Variants in EIF3A observed in about 807,000 individuals in gnomAD.
EIF3A encodes EIF3, p180 subunit.
Under a neutral mutation model 186.6 loss-of-function variants are expected in EIF3A, and 21 were observed. The observed-to-expected ratio is 0.11, with a 90% CI of 0.08 to 0.16. The LOEUF (loss-of-function observed/expected upper bound fraction) is 0.16, where lower values mean the gene tolerates loss of function less well. Among genes scored for constraint, EIF3A ranks in the 10% least tolerant of loss-of-function variants. The pLI is 1.00. For synonymous variants in EIF3A, 563 were observed against 584.3 expected (o/e 0.96, Z 0.52); for missense variants, 1,306 against 1,796.3 (o/e 0.73, Z 4.93).
rs771329719 is a variant in EIF3A at position 119,044,115 on chromosome 10, C to T, written c.2686G>A (p.Glu896Lys). Residue 896 changes from glutamate to lysine, a missense_variant, in exon 18 of 22, where the codon GAA (glutamate) becomes AAA (lysine). This residue lies in a region of EIF3A where 410 missense variants were observed against 473.5 expected (regional missense o/e 0.87). Transcript: ENST00000369144. The stretch of plus-strand genomic sequence containing the variant: ...TCAGGTCCTTTTCTCCAGGTGCCTT[C>T]TGAATCTCTATCTCCCCAACGAGAG... ...KDSRWGDRDSEGTWRKGPEAD... is the reference protein window; with the variant it reads ...KDSRWGDRDSKGTWRKGPEAD... The T allele has an allele frequency of 2.0e-5, 33 of 1,614,040 alleles. No homozygotes were observed. Among genetic ancestry groups the T allele is most frequent in the Non-Finnish European group, 2.5e-5 (30 of 1,179,880 alleles).
intron 10 of EIF3A, 82 bp from the exon 11 acceptor site, chr10:119,059,479 G>C (rs1843846760): frequency 7.7e-7 from 1 of 1,297,574 alleles, no homozygotes; most frequent in Admixed American, 2.2e-5. Flanking sequence ...ATATACAAAA[G>C]CTGGAAAAGT....
intron 17 of EIF3A, 33 bp downstream of exon 17, chr10:119,049,768 A>C (rs1174613220): frequency 6.3e-7 from 1 of 1,580,016 alleles, no homozygotes; most frequent in South Asian, 1.2e-5. Flanking sequence ...AGTCACATTA[A>C]AACAAAATAA....
intron 1 of EIF3A, among the ~76,000 whole-genome samples, chr10:119,074,241 C>T (rs952187815): frequency 6.6e-6 from 1 of 151,940 alleles, no homozygotes; most frequent in African/African-American, 2.4e-5. Flanking sequence ...CGAGGTGGGC[C>T]AATCACTTGA....
intron 21 of EIF3A, 82 bp from the exon 22 acceptor site, chr10:119,036,350 GATTGTTAAATACAGAAATC>G (rs1175705463): frequency 2.0e-5 from 17 of 843,880 alleles, no homozygotes; most frequent in African/African-American, 3.5e-5. Context: ...CTGTACTAAA[GATTGTTAAATACAGAAATC>G]ATTGTTAAAT....
chr10:119,044,001 G>T lies in EIF3A; in HGVS notation c.2747+53C>A. 3.1e-6 allele frequency: 4 copies of T among 1,310,870 alleles called. No individual in the cohort carries two copies. In the South Asian group the frequency reaches 4.8e-5, roughly 16 times the overall value. The allele number at this position is 1,310,870 out of a possible 1,614,324, so 81.2% of individuals were successfully genotyped here. A position where few individuals can be genotyped will look rare whatever the true frequency, so the allele number is the denominator to read the frequency against. On this transcript the variant is annotated intron_variant, in intron 18 of 21. Coordinates refer to ENST00000369144, the MANE Select transcript of EIF3A (RefSeq NM_003750.4). ...AAATGAACCAAATTTTAAAACCACT[G>T]ATAAGATATTAACAGGAACTGGAGC...
intron 19 of EIF3A, 97 bp downstream of exon 19, chr10:119,041,897 T>A: frequency 7.6e-7 from 1 of 1,321,570 alleles, no homozygotes; most frequent in South Asian, 1.4e-5. Flanking sequence ...AAAGACCAGT[T>A]TATCTGGAAA....
At position 119,051,329 on chromosome 10, in the gene EIF3A, T is replaced by C. The variant is rs1376114441; in HGVS notation, c.2197-8A>G. ...TAGCTGCATTGTAGTAATCTGCAAG[T>C]ACAAATATTGTGAAATTTCAATGCA... On this transcript the variant is annotated splice_polypyrimidine_tract_variant and splice_region_variant and intron_variant, in intron 14 of 21. Coordinates refer to ENST00000369144, the MANE Select transcript of EIF3A (RefSeq NM_003750.4). 4 of 1,568,374 alleles carry C rather than the reference T, an allele frequency of 2.6e-6. No individual in the cohort carries two copies. The African/African-American group carries it at 4.2e-5, about 16-fold the overall frequency.
In EIF3A at chr10:119,057,967, T is replaced by G. The variant is rs753431981; in HGVS notation, c.1966A>C (p.Ile656Leu). The G allele has an allele frequency of 6.2e-7, 1 of 1,611,044 alleles. No homozygotes were observed. The highest frequency in any genetic ancestry group is 8.5e-7 in the Non-Finnish European group (1 of 1,178,818). The change falls in exon 12 of 22, where the codon ATT becomes CTT. Residue 656 changes from isoleucine (I) to leucine (L), a missense_variant. Physicochemically the swap from Ile to Leu is conservative, Grantham distance 5. Coordinates refer to ENST00000369144, the MANE Select transcript of EIF3A (RefSeq NM_003750.4). ...TELGAKAFKD[I>L]DIEDLEELDP... ...AAGATGCTACGTACTTCAATATCAA[T>G]ATCTTTGAATGCTTTGGCACCCAGT... is the stretch of plus-strand genomic sequence containing the variant.
In EIF3A at chr10:119,035,456, C is replaced by T. The variant is rs1848114935; in HGVS notation, c.*583G>A. The stretch of plus-strand genomic sequence containing the variant: ...CAACTGCAAATTGCTTTGTACTCAC[C>T]TTCTCTCAAGTAAAATCTAAAGAAA... On this transcript the variant is annotated 3_prime_UTR_variant, in exon 22 of 22. Transcript: ENST00000369144. The T allele has an allele frequency of 6.7e-6, 1 of 149,152 alleles. No individual in the cohort carries two copies. Among genetic ancestry groups the T allele is most frequent in the Non-Finnish European group, 1.5e-5 (1 of 66,960 alleles). The allele number at this position is 149,152 out of a possible 1,614,324, so 9.2% of individuals were successfully genotyped here.
chr10:119,075,857 A>G (rs1450017829), intron 1 of EIF3A, among the ~76,000 whole-genome samples: 2 of 140,858 alleles, frequency 1.4e-5, no homozygotes, highest in East Asian at 2.1e-4. Flanking sequence ...GGGACTACGG[A>G]GCTCGCCACC....
chr10:119,040,312 A>G (rs1169650932), intron 19 of EIF3A, among the ~76,000 whole-genome samples: 4 of 152,222 alleles, frequency 2.6e-5, no homozygotes, highest in African/African-American at 7.2e-5. Flanking sequence ...AGGAACATCA[A>G]AAAGGCAGAA....
At chr10:119,067,356 A>C (rs1843997647) in intron 6 of EIF3A, among the ~76,000 whole-genome samples, 1 of 152,162 alleles carries the variant, frequency 6.6e-6, no homozygotes, top group Non-Finnish European at 1.5e-5. Context: ...TCGGAGCCTG[A>C]GGCAGGTAGA....
At chr10:119,038,981 T>C (rs1471570828) in intron 19 of EIF3A, among the ~76,000 whole-genome samples, 1 of 152,148 alleles carries the variant, frequency 6.6e-6, no homozygotes, top group Admixed American at 6.5e-5. Context: ...CTGTGTTAAG[T>C]GTTCCATAAA....
intron 14 of EIF3A, 134 bp downstream of exon 14, chr10:119,056,606 T>G (rs1843786771): frequency 5.0e-6 from 3 of 599,752 alleles, no homozygotes; most frequent in Non-Finnish European, 8.6e-6. Flanking sequence ...TCTACCAATC[T>G]GTTCATAGGC....
intron 1 of EIF3A, among the ~76,000 whole-genome samples, chr10:119,074,984 C>CTTTTT (rs113459869): frequency 3.8e-5 from 4 of 105,226 alleles, no homozygotes; most frequent in East Asian, 2.9e-4. Context: ...TATTTTTTTT[C>CTTTTT]TTTTTTTTTT....
chr10:119,065,189 G>A (rs1054887979), intron 7 of EIF3A, among the ~76,000 whole-genome samples: 4 of 152,072 alleles, frequency 2.6e-5, no homozygotes, highest in African/African-American at 9.7e-5. Flanking sequence ...CCCAAGTCCT[G>A]CTAGATCAAA....
In EIF3A at chr10:119,057,054, C is replaced by T. The variant is rs1340493607; in HGVS notation, c.1978-14G>A. 1 of 1,476,950 alleles carries T rather than the reference C, an allele frequency of 6.8e-7. No homozygotes were observed. 91.5% of individuals were successfully genotyped at this position (1,476,950 alleles called of 1,614,324 possible). A position where few individuals can be genotyped will look rare whatever the true frequency, so the allele number is the denominator to read the frequency against. ...TTCCTCAAGGTCCTGAAAGGTAATA[C>T]AAATGCACAATTGTTAATAAAGAGA... On this transcript the variant is annotated splice_polypyrimidine_tract_variant and intron_variant, in intron 12 of 21. Transcript: ENST00000369144.
At chr10:119,070,044 C>A (rs1330811457) in intron 5 of EIF3A, among the ~76,000 whole-genome samples, 1 of 152,098 alleles carries the variant, frequency 6.6e-6, no homozygotes, top group Non-Finnish European at 1.5e-5. Context: ...GGCATGTTTA[C>A]TTATCTTCTA....
rs527700460 is a variant in EIF3A, at chr10:119,064,126, T to C, written c.1122+1273A>G. ...TAGGCTCCACACTCTAAAACTTTTG[T>C]ATTATATCTGCTGGGTAAAACCTAG... On this transcript the variant is annotated intron_variant, in intron 7 of 21. Transcript: ENST00000369144. Among the ~76,000 whole-genome samples the C allele has an allele frequency of 1.2e-4, 19 of 152,332 alleles. No individual in the cohort carries two copies. In the South Asian group the frequency reaches 3.7e-3, roughly 30 times the overall value.
Sources: gnomAD v4.1 joint callset for allele counts (sites outside exome capture counted in the v4.1 genomes callset) on GRCh38, gnomAD v4.1.1 for gene constraint, gnomAD v4.1.1 regional missense constraint, MANE v1.5 for transcripts, NCBI Gene and HGNC (gene_info 2026-07-23, HGNC 2026-07-21) for gene names.